STAU2: variants seen among roughly 807,000 people sequenced by gnomAD.
The protein encoded by STAU2 is staufen double-stranded RNA binding protein 2, also known as double-stranded RNA-binding protein Staufen homolog 2.
STAU2 carries 20 observed loss-of-function variants against 65.9 expected under a neutral mutation model. The ratio of observed to expected loss-of-function variants is 0.30; its 90% CI spans 0.21 to 0.44. STAU2 has a LOEUF of 0.44. STAU2 is among the 20% of genes least tolerant of loss of function. The pLI, the probability that STAU2 is intolerant of heterozygous loss-of-function variation, is 1.00. For synonymous variants in STAU2, 232 were observed against 233.9 expected (o/e 0.99, Z 0.07); for missense variants, 558 against 683.9 (o/e 0.82, Z 2.05).
chr8:73,614,778 A>G (rs1812716267), intron 8 of STAU2, among the ~76,000 whole-genome samples: 1 of 152,198 alleles, frequency 6.6e-6, no homozygotes, highest in Admixed American at 6.5e-5. Context: ...ATTTTTTAGT[A>G]TAAGCAATTA....
chr8:73,684,657 G>C (rs1456003847), intron 5 of STAU2, among the ~76,000 whole-genome samples: 1 of 152,056 alleles, frequency 6.6e-6, no homozygotes, highest in African/African-American at 2.4e-5. Context: ...TAAATAATCA[G>C]CAAAGTAAAC....
intron 12 of STAU2, among the ~76,000 whole-genome samples, chr8:73,565,919 T>C: frequency 6.6e-6 from 1 of 152,200 alleles, no homozygotes; most frequent in East Asian, 1.9e-4. Flanking sequence ...TCCAAGAACC[T>C]ATCAATGATG....
At chr8:73,690,221 C>T (rs185808260) in intron 4 of STAU2, among the ~76,000 whole-genome samples, 2 of 148,152 alleles carry the variant, frequency 1.3e-5, no homozygotes, top group Non-Finnish European at 3.0e-5. Context: ...CCCAGCTACT[C>T]GGGAGGCTGA....
chr8:73,465,691 T>A (rs575367449), intron 13 of STAU2, among the ~76,000 whole-genome samples: 3 of 152,374 alleles, frequency 2.0e-5, no homozygotes, highest in South Asian at 2.1e-4. Context: ...TCCTTTTAAC[T>A]GTGTGTGCTC....
At chr8:73,656,677 A>C (rs982325453) in intron 6 of STAU2, among the ~76,000 whole-genome samples, 7 of 152,270 alleles carry the variant, frequency 4.6e-5, no homozygotes, top group Admixed American at 3.9e-4. Context: ...CATACACTTC[A>C]AATATATTTT....
chr8:73,457,101 C>T (rs1232452915), intron 13 of STAU2, among the ~76,000 whole-genome samples: 1 of 152,174 alleles, frequency 6.6e-6, no homozygotes, highest in South Asian at 2.1e-4. Flanking sequence ...TCCTCTCTGG[C>T]CTTTTCTAGC....
At chr8:73,717,672 G>A (rs886641409) in intron 3 of STAU2, among the ~76,000 whole-genome samples, 3 of 151,508 alleles carry the variant, frequency 2.0e-5, no homozygotes, top group Non-Finnish European at 4.4e-5. Flanking sequence ...TTTTGAGACG[G>A]AGTCTCGCTC....
chr8:73,552,808 C>A (rs187281246), intron 12 of STAU2, among the ~76,000 whole-genome samples: 4 of 152,270 alleles, frequency 2.6e-5, no homozygotes, highest in Admixed American at 2.6e-4. Flanking sequence ...CCTCTCACCT[C>A]CACAAGGATG....
At chr8:73,588,780 TG>T (rs1242631788) in intron 11 of STAU2, among the ~76,000 whole-genome samples, 1 of 151,952 alleles carries the variant, frequency 6.6e-6, no homozygotes, top group Admixed American at 6.6e-5. Context: ...GGTCTGCAAA[TG>T]CTGGGAAATG....
chr8:73,453,518 C>A (rs1818908438), intron 13 of STAU2, among the ~76,000 whole-genome samples: 1 of 152,208 alleles, frequency 6.6e-6, no homozygotes, highest in South Asian at 2.1e-4. Context: ...TCAGCAAACA[C>A]ACTCTAGATT....
chr8:73,492,437 C>T (rs961487571), intron 13 of STAU2, among the ~76,000 whole-genome samples: 4 of 151,714 alleles, frequency 2.6e-5, no homozygotes, highest in South Asian at 2.1e-4. Context: ...AAATGGAATC[C>T]GAGGCTTAGT....
intron 4 of STAU2, among the ~76,000 whole-genome samples, chr8:73,693,458 G>A (rs887823367): frequency 6.9e-6 from 1 of 143,984 alleles, no homozygotes; most frequent in African/African-American, 2.6e-5. Context: ...CTGGGCGAAA[G>A]AGTGAGACTC....
chr8:73,499,000 A>G (rs1821591463), intron 13 of STAU2, among the ~76,000 whole-genome samples: 1 of 151,876 alleles, frequency 6.6e-6, no homozygotes, highest in African/African-American at 2.4e-5. Flanking sequence ...TTATCCAATC[A>G]GTTGAAGGCC....
intron 13 of STAU2, among the ~76,000 whole-genome samples, chr8:73,475,459 T>C (rs1261757507): frequency 2.6e-5 from 4 of 152,178 alleles, no homozygotes; most frequent in Non-Finnish European, 5.9e-5. Flanking sequence ...AATGAGTATT[T>C]TACTCTTACT....
chr8:73,564,174 G>A (rs972211076), intron 12 of STAU2, among the ~76,000 whole-genome samples: 2 of 152,308 alleles, frequency 1.3e-5, no homozygotes, highest in East Asian at 3.9e-4. Context: ...GGCTTCCCAA[G>A]GGACTAATTT....
At chr8:73,508,474 T>G (rs908778407) in intron 13 of STAU2, among the ~76,000 whole-genome samples, 1 of 152,022 alleles carries the variant, frequency 6.6e-6, no homozygotes, top group Non-Finnish European at 1.5e-5. Flanking sequence ...CCTAAAACAA[T>G]TACAATAGTA....
intron 13 of STAU2, among the ~76,000 whole-genome samples, chr8:73,469,714 C>CTTTTTTGT (rs1819871835): frequency 6.6e-6 from 1 of 152,062 alleles, no homozygotes; most frequent in Non-Finnish European, 1.5e-5. Context: ...AGCAGATTAA[C>CTTTTTTGT]AAGTGGCTGC....
Position 73,459,205 on chromosome 8 carries a change from A to C in STAU2, c.1531-36503T>G, listed in dbSNP as rs1161653201. Among the ~76,000 whole-genome samples, 3 of 152,326 alleles carry C rather than the reference A, an allele frequency of 2.0e-5. No homozygotes were observed. The East Asian group carries it at 5.8e-4, about 29-fold the overall frequency. On this transcript the variant is annotated intron_variant, in intron 13 of 14. Transcript: ENST00000524300. ...TAAATGCAGAGACATAATTTGAAAA[A>C]GAATAATAACATTTAAAGGGTGCTC...
chr8:73,727,050 TG>T (rs896351536), intron 3 of STAU2, among the ~76,000 whole-genome samples: 1 of 151,972 alleles, frequency 6.6e-6, no homozygotes, highest in African/African-American at 2.4e-5. Context: ...GCCAACATGG[TG>T]AAACCCCGTC....
Sources: allele counts gnomAD v4.1 joint callset (sites outside exome capture counted in the v4.1 genomes callset), GRCh38; gene constraint gnomAD v4.1.1; transcripts MANE v1.5; gene names NCBI Gene and HGNC (gene_info 2026-07-23, HGNC 2026-07-21).